CMIP: variants seen among roughly 807,000 people sequenced by gnomAD.
The protein encoded by CMIP is c-Maf inducing protein.
Under a neutral mutation model 97.3 loss-of-function variants are expected in CMIP, and 13 were observed. The observed-to-expected ratio is 0.13, with a 90% CI of 0.09 to 0.21. CMIP has a LOEUF of 0.21. Among genes scored for constraint, CMIP ranks in the 10% least tolerant of loss-of-function variants. CMIP has a pLI of 1.00. For synonymous variants in CMIP, 538 were observed against 436.3 expected (o/e 1.23, Z -2.91); for missense variants, 847 against 1,024.9 (o/e 0.83, Z 2.37).
chr16:81,474,407 C>T (rs999386769), intron 1 of CMIP, among the ~76,000 whole-genome samples: 1 of 152,062 alleles, frequency 6.6e-6, no homozygotes, highest in African/African-American at 2.4e-5. Context: ...TCCTTCACTC[C>T]CTTCCTCCCA....
intron 1 of CMIP, among the ~76,000 whole-genome samples, chr16:81,461,144 T>G (rs1445467941): frequency 6.6e-6 from 1 of 152,200 alleles, no homozygotes; most frequent in Non-Finnish European, 1.5e-5. Context: ...GGGTGTCTTG[T>G]TGAGTATGTG....
chr16:81,543,317 G>A (rs1291611866), intron 1 of CMIP, among the ~76,000 whole-genome samples: 2 of 152,184 alleles, frequency 1.3e-5, no homozygotes, highest in East Asian at 1.9e-4. Context: ...AGTGCTACAC[G>A]GCAGCCGGAG....
chr16:81,642,686 A>C (rs2092319818), intron 3 of CMIP, among the ~76,000 whole-genome samples: 1 of 152,190 alleles, frequency 6.6e-6, no homozygotes, highest in Non-Finnish European at 1.5e-5. Context: ...TCCTGAGGTC[A>C]GGAGTTCGAG....
At chr16:81,612,508 T>C (rs948197367) in intron 2 of CMIP, among the ~76,000 whole-genome samples, 2 of 152,236 alleles carry the variant, frequency 1.3e-5, no homozygotes, top group Admixed American at 6.5e-5. Context: ...AAGGTCTCAC[T>C]CTCTAGCTTC....
chr16:81,509,441 A>C (rs933808905), intron 1 of CMIP, among the ~76,000 whole-genome samples: 3 of 152,166 alleles, frequency 2.0e-5, no homozygotes, highest in Non-Finnish European at 4.4e-5. Flanking sequence ...TGGGTTTGAC[A>C]TTGGGGCTGC....
intron 18 of CMIP, 71 bp from the exon 19 acceptor site, chr16:81,705,428 C>CTCTG (rs1908020581): frequency 8.8e-7 from 1 of 1,137,492 alleles, no homozygotes. Context: ...TTTCCTCCAC[C>CTCTG]TCTGCCCCAG....
At chr16:81,636,453 C>T (rs1468366984) in intron 3 of CMIP, among the ~76,000 whole-genome samples, 2 of 151,762 alleles carry the variant, frequency 1.3e-5, no homozygotes, top group Admixed American at 6.6e-5. Flanking sequence ...TGGTGGCAGG[C>T]GCCCGTAATC....
intron 10 of CMIP, among the ~76,000 whole-genome samples, chr16:81,685,137 C>T (rs1023261010): frequency 9.9e-5 from 15 of 152,238 alleles, no homozygotes; most frequent in African/African-American, 3.6e-4. Flanking sequence ...ATTCATCCAC[C>T]AACCTGGTCC....
chr16:81,583,985 G>T (rs2091339498), intron 1 of CMIP, among the ~76,000 whole-genome samples: 1 of 151,426 alleles, frequency 6.6e-6, no homozygotes, highest in South Asian at 2.1e-4. Context: ...ATAAGAGGAG[G>T]CAGAGGTAGG....
At chr16:81,522,327 C>G (rs1021148975) in intron 1 of CMIP, among the ~76,000 whole-genome samples, 3 of 152,178 alleles carry the variant, frequency 2.0e-5, no homozygotes, top group African/African-American at 7.2e-5. Context: ...AGCTTCAGTG[C>G]TGCTCCATCC....
intron 1 of CMIP, chr16:81,464,309 A>G (rs1164037052): frequency 6.6e-6 from 1 of 152,272 alleles, no homozygotes; most frequent in East Asian, 1.9e-4. Context: ...GAAAGATGAC[A>G]TCTGGTCACA....
At chr16:81,599,464 C>T (rs1329738757) in intron 1 of CMIP, among the ~76,000 whole-genome samples, 1 of 152,240 alleles carries the variant, frequency 6.6e-6, no homozygotes, top group African/African-American at 2.4e-5. Context: ...GGAGGCCAAG[C>T]TGATCTATAG....
chr16:81,483,563 GCCTCTTCCTCTT>G (rs772607167), intron 1 of CMIP, among the ~76,000 whole-genome samples: 15 of 148,244 alleles, frequency 1.0e-4, no homozygotes, highest in African/African-American at 1.5e-4. Context: ...CCCTCCCGCA[GCCTCTTCCTCTT>G]CCTCTTCCTC....
intron 1 of CMIP, among the ~76,000 whole-genome samples, chr16:81,511,417 C>T (rs912344239): frequency 6.6e-6 from 1 of 152,220 alleles, no homozygotes; most frequent in Non-Finnish European, 1.5e-5. Context: ...TATTTGCTTA[C>T]TGAAGGTTTT....
At chr16:81,622,920 T>C (rs2092011931) in intron 3 of CMIP, among the ~76,000 whole-genome samples, 3 of 152,214 alleles carry the variant, frequency 2.0e-5, no homozygotes, top group Admixed American at 6.5e-5. Flanking sequence ...ATGTCAAGGA[T>C]TGGCCAGGTG....
intron 17 of CMIP, chr16:81,703,709 C>T (rs1907690980): frequency 1.7e-6 from 1 of 576,464 alleles, no homozygotes; most frequent in Non-Finnish European, 3.0e-6. Context: ...AGGCTTTCTC[C>T]TCCGCCTGGC....
At chr16:81,669,226 C>A (rs561173437) in intron 7 of CMIP, among the ~76,000 whole-genome samples, 3 of 137,910 alleles carry the variant, frequency 2.2e-5, no homozygotes, top group Non-Finnish European at 4.7e-5. Context: ...CCTTCCACAT[C>A]CACCTCACAC....
chr16:81,450,717 GT>G (rs1339809220), intron 1 of CMIP, among the ~76,000 whole-genome samples: 5 of 152,194 alleles, frequency 3.3e-5, no homozygotes, highest in African/African-American at 1.2e-4. Context: ...CTTGCCAGCA[GT>G]TTAAGAAAAA....
intron 3 of CMIP, among the ~76,000 whole-genome samples, chr16:81,643,082 G>C (rs2092324797): frequency 6.6e-6 from 1 of 152,196 alleles, no homozygotes; most frequent in Non-Finnish European, 1.5e-5. Context: ...AGTTTTGGCA[G>C]ACACAGTTCC....
Sources: allele counts gnomAD v4.1 joint callset (sites outside exome capture counted in the v4.1 genomes callset), GRCh38; gene constraint gnomAD v4.1.1; transcripts MANE v1.5; gene names NCBI Gene and HGNC (gene_info 2026-07-23, HGNC 2026-07-21).